The following OPCML variants were observed in gnomAD, a reference collection of about 807,000 sequenced individuals.
OPCML encodes the protein opioid-binding protein/cell adhesion molecule.
In OPCML, 13 loss-of-function variants were observed where a neutral mutation model predicts 37.8. The ratio of observed to expected loss-of-function variants is 0.34; its 90% CI spans 0.22 to 0.55. The LOEUF (loss-of-function observed/expected upper bound fraction) is 0.55, where lower values mean the gene tolerates loss of function less well. OPCML is among the 20% of genes least tolerant of loss of function. The pLI is 0.91. For missense variants in OPCML, 341 were observed against 435.6 expected, an observed-to-expected ratio of 0.78 and a Z score of 1.93; for synonymous variants, 176 against 168.8, an observed-to-expected ratio of 1.04 and a Z score of -0.33.
intron 1 of OPCML, among the ~76,000 whole-genome samples, chr11:133,221,981 C>T (rs35579321): frequency 0.011 from 1,691 of 152,310 alleles, 19 homozygotes; most frequent in Non-Finnish European, 0.016. Flanking sequence ...CTGAAGGAAG[C>T]TTTCTCTTCC....
chr11:132,716,212 C>T (rs1944469926), intron 2 of OPCML, among the ~76,000 whole-genome samples: 1 of 152,188 alleles, frequency 6.6e-6, no homozygotes, highest in Non-Finnish European at 1.5e-5. Flanking sequence ...CCCAAACTCA[C>T]TCCAGCCATG....
chr11:132,994,196 C>T (rs1946835104), intron 1 of OPCML, among the ~76,000 whole-genome samples: 1 of 152,100 alleles, frequency 6.6e-6, no homozygotes, highest in Non-Finnish European at 1.5e-5. Flanking sequence ...GGGCGGGAGT[C>T]CCCGCGCCGC....
At chr11:132,716,922 G>C (rs571500105) in intron 2 of OPCML, among the ~76,000 whole-genome samples, 1 of 152,170 alleles carries the variant, frequency 6.6e-6, no homozygotes, top group Non-Finnish European at 1.5e-5. Flanking sequence ...TAGAAAAATG[G>C]ATATAGTACA....
At chr11:133,220,848 C>T (rs1012302984) in intron 1 of OPCML, among the ~76,000 whole-genome samples, 5 of 152,072 alleles carry the variant, frequency 3.3e-5, no homozygotes, top group East Asian at 1.9e-4. Context: ...CGGCTTCGTT[C>T]GAGTCCGTTT....
At chr11:133,073,607 T>A (rs1050632881) in intron 1 of OPCML, among the ~76,000 whole-genome samples, 4 of 152,206 alleles carry the variant, frequency 2.6e-5, no homozygotes, top group Non-Finnish European at 5.9e-5. Flanking sequence ...CAGCTCCATT[T>A]ACCCCTGAGT....
At chr11:133,193,004 T>C (rs1191169774) in intron 1 of OPCML, among the ~76,000 whole-genome samples, 2 of 152,036 alleles carry the variant, frequency 1.3e-5, no homozygotes, top group East Asian at 1.9e-4. Flanking sequence ...ACATAGACCA[T>C]AGAAGTGTTT....
At chr11:133,268,957 C>A (rs980611471) in intron 1 of OPCML, among the ~76,000 whole-genome samples, 3 of 152,056 alleles carry the variant, frequency 2.0e-5, no homozygotes, top group Admixed American at 6.5e-5. Context: ...AAATGCAGAC[C>A]CAACTATATC....
intron 2 of OPCML, among the ~76,000 whole-genome samples, chr11:132,840,626 G>A (rs1411158204): frequency 1.3e-5 from 2 of 152,188 alleles, no homozygotes; most frequent in Non-Finnish European, 2.9e-5. Flanking sequence ...CACAGAAAGG[G>A]TGTCATAAAA....
At chr11:132,495,779 C>T (rs1280190858) in intron 4 of OPCML, among the ~76,000 whole-genome samples, 3 of 151,672 alleles carry the variant, frequency 2.0e-5, no homozygotes, top group Admixed American at 6.6e-5. Flanking sequence ...CCTGTGGTCC[C>T]GGCTACTCAG....
chr11:133,312,031 C>T (rs1225782649), intron 1 of OPCML, among the ~76,000 whole-genome samples: 1 of 152,116 alleles, frequency 6.6e-6, no homozygotes, highest in African/African-American at 2.4e-5. Flanking sequence ...GCTGGCAAAT[C>T]GACCTCTGTC....
intron 4 of OPCML, among the ~76,000 whole-genome samples, chr11:132,449,860 C>G (rs1035140774): frequency 6.6e-6 from 1 of 152,178 alleles, no homozygotes; most frequent in Non-Finnish European, 1.5e-5. Flanking sequence ...TCTTTCCTGG[C>G]TCTTTTCATG....
chr11:133,274,886 A>C (rs1056940281), intron 1 of OPCML, among the ~76,000 whole-genome samples: 2 of 152,232 alleles, frequency 1.3e-5, no homozygotes, highest in African/African-American at 4.8e-5. Context: ...TTCAGCTGGA[A>C]AGCTCGAGAC....
Position 133,241,571 on chromosome 11 carries a change from A to T in OPCML, c.61+290693T>A, listed in dbSNP as rs142307284. Reference sequence around the variant, plus strand: ...TTGTTTCCAGTTATGTAACTGACAAAATCTAAATTCCACAATATACCTAAC... The same window carrying T: ...TTGTTTCCAGTTATGTAACTGACAATATCTAAATTCCACAATATACCTAAC... On this transcript the variant is annotated intron_variant, in intron 1 of 7. Transcript: ENST00000524381. 2.9e-3 allele frequency among the ~76,000 whole-genome samples: 439 copies of T among 152,334 alleles called. 2 individuals carry two copies. The highest frequency in any genetic ancestry group is 9.6e-3 in the African/African-American group (397 of 41,570).
intron 1 of OPCML, among the ~76,000 whole-genome samples, chr11:133,357,259 G>C (rs757947246): frequency 6.6e-6 from 1 of 152,240 alleles, no homozygotes; most frequent in African/African-American, 2.4e-5. Flanking sequence ...CTTTGACCAG[G>C]GTTCAAACCT....
At chr11:132,706,023 G>T (rs1173347462) in intron 2 of OPCML, among the ~76,000 whole-genome samples, 1 of 151,972 alleles carries the variant, frequency 6.6e-6, no homozygotes, top group African/African-American at 2.4e-5. Context: ...GGCCAGGCTG[G>T]TCTCAAACTC....
chr11:132,999,414 A>ATTATT (rs973278391), intron 1 of OPCML, among the ~76,000 whole-genome samples: 129 of 152,300 alleles, frequency 8.5e-4, no homozygotes, highest in African/African-American at 2.9e-3. Context: ...TGGTAAATAC[A>ATTATT]TTATTAAGAA....
chr11:132,547,596 C>A (rs1293005530), intron 3 of OPCML, among the ~76,000 whole-genome samples: 1 of 152,126 alleles, frequency 6.6e-6, no homozygotes, highest in Non-Finnish European at 1.5e-5. Flanking sequence ...TGGCAAAGCC[C>A]TCATCAGATT....
At chr11:132,576,182 G>C (rs893268698) in intron 3 of OPCML, among the ~76,000 whole-genome samples, 1 of 152,042 alleles carries the variant, frequency 6.6e-6, no homozygotes, top group African/African-American at 2.4e-5. Context: ...CTTGGATCTA[G>C]ATGTCCATTT....
intron 1 of OPCML, chr11:133,006,742 A>G (rs2136863538): frequency 1.0e-6 from 1 of 985,392 alleles, no homozygotes; most frequent in East Asian, 1.1e-4. Context: ...TGAGGTGTGA[A>G]CACCTAGACA....
Sources: allele counts gnomAD v4.1 joint callset (sites outside exome capture counted in the v4.1 genomes callset), GRCh38; gene constraint gnomAD v4.1.1; transcripts MANE v1.5; gene names NCBI Gene and HGNC (gene_info 2026-07-23, HGNC 2026-07-21).